Variants in UQCRFS1 observed in about 807,000 individuals in gnomAD.
UQCRFS1 encodes cytochrome b-c1 complex subunit Rieske, mitochondrial.
Under a neutral mutation model 15.6 loss-of-function variants are expected in UQCRFS1, and 6 were observed. That is an observed-to-expected ratio of 0.38 (90% CI 0.21 to 0.76). The LOEUF (loss-of-function observed/expected upper bound fraction) is 0.76, where lower values mean the gene tolerates loss of function less well. Ranked by LOEUF, UQCRFS1 falls within the 30% of genes least tolerant of loss-of-function variation. The pLI is 0.44. For missense variants in UQCRFS1, 203 were observed against 366.7 expected (o/e 0.55, Z 3.65); for synonymous variants, 105 against 154.3 (o/e 0.68, Z 2.37).
chr19:29,208,258 C>A (rs1376338233), intron 1 of UQCRFS1, 100 bp from the exon 2 acceptor site: 3 of 1,452,118 alleles, frequency 2.1e-6, no homozygotes, highest in Non-Finnish European at 2.7e-6. Context: ...GGTAAAAAAT[C>A]AAATTCTAAA....
Position 29,207,781 on chromosome 19 carries a change from G to A in UQCRFS1, c.592C>T (p.Pro198Ser). Residue 198 changes from proline (P) to serine (S), a missense_variant, in exon 2 of 2, where the codon CCA becomes TCA. By Grantham distance (74) the Pro-to-Ser change is moderately conservative. Around this residue, in one of 3 missense-constraint regions of UQCRFS1, gnomAD observed 91 missense variants for 186.9 expected, o/e 0.49. Transcript: ENST00000304863. ...TTTACTCGATCTAGATCATGCTGTG[G>A]GTCCCTCAACTGTGATAATTCAACT... ...AAVELSQLRD[P>S]QHDLDRVKKP... 6.2e-7 allele frequency: 1 copy of A among 1,613,964 alleles called. No individual in the cohort carries two copies. The highest frequency in any genetic ancestry group is 8.5e-7 in the Non-Finnish European group (1 of 1,179,880).
Position 29,206,291 on chromosome 19 carries a change from G to A in UQCRFS1, c.*1257C>T, listed in dbSNP as rs547047219. The A allele has an allele frequency of 6.6e-6, 1 of 152,304 alleles. No homozygotes were observed. Among genetic ancestry groups the A allele is most frequent in the South Asian group, 2.1e-4 (1 of 4,828 alleles). 9.4% of individuals were successfully genotyped at this position (152,304 alleles called of 1,614,324 possible). ...TAGTATCTACTCATAAGCATAGAAAGTTTGACATTTTCTTTTTTCTGTCAA... is the reference window on the plus strand; with the variant it reads ...TAGTATCTACTCATAAGCATAGAAAATTTGACATTTTCTTTTTTCTGTCAA... On this transcript the variant is annotated 3_prime_UTR_variant, in exon 2 of 2. Transcript: ENST00000304863.
At position 29,206,288 on chromosome 19, in the gene UQCRFS1, A is replaced by C. The variant is rs143142762; in HGVS notation, c.*1260T>G. 1.3e-5 allele frequency: 2 copies of C among 152,226 alleles called. No individual in the cohort carries two copies. The highest frequency in any genetic ancestry group is 3.8e-4 in the East Asian group (2 of 5,200). The allele number at this position is 152,226 out of a possible 1,614,324, so 9.4% of individuals were successfully genotyped here. On this transcript the variant is annotated 3_prime_UTR_variant, in exon 2 of 2. Transcript: ENST00000304863. Reference sequence around the variant, plus strand: ...GACTAGTATCTACTCATAAGCATAGAAAGTTTGACATTTTCTTTTTTCTGT... The same window carrying C: ...GACTAGTATCTACTCATAAGCATAGCAAGTTTGACATTTTCTTTTTTCTGT...
rs1976632396 is a variant in UQCRFS1 at position 29,210,365 on chromosome 19, T to TC, written c.215-2208_215-2207insG. Among the ~76,000 whole-genome samples, 3 of 151,192 alleles carry TC rather than the reference T, an allele frequency of 2.0e-5. No homozygotes were observed. In the South Asian group the frequency reaches 6.3e-4, roughly 32 times the overall value. On this transcript the variant is annotated intron_variant, in intron 1 of 1. Transcript: ENST00000304863. ...TCTCTAAGTCAGGTAAACCTCCAATTTTTTTTTTATTATACTTTAAGTTTT... is the reference window on the plus strand; with the variant it reads ...TCTCTAAGTCAGGTAAACCTCCAATTCTTTTTTTTATTATACTTTAAGTTTT...
chr19:29,211,448 T>C (rs1976647281), intron 1 of UQCRFS1, among the ~76,000 whole-genome samples: 1 of 152,236 alleles, frequency 6.6e-6, no homozygotes, highest in African/African-American at 2.4e-5. Context: ...ACACCTGCCA[T>C]GGACAGTTTC....
At chr19:29,210,822 A>G (rs980433405) in intron 1 of UQCRFS1, among the ~76,000 whole-genome samples, 5 of 152,152 alleles carry the variant, frequency 3.3e-5, no homozygotes, top group African/African-American at 9.7e-5. Context: ...ATAAACATAC[A>G]TGTAAATGTG....
rs1008616885 is a variant in UQCRFS1 at position 29,205,402 on chromosome 19, G to A, written c.*2146C>T. 1 of 152,188 alleles carries A rather than the reference G, an allele frequency of 6.6e-6. No homozygotes were observed. The highest frequency in any genetic ancestry group is 2.4e-5 in the African/African-American group (1 of 41,442). The allele number at this position is 152,188 out of a possible 1,614,324, so 9.4% of individuals were successfully genotyped here. On this transcript the variant is annotated 3_prime_UTR_variant, in exon 2 of 2. Coordinates refer to ENST00000304863, the MANE Select transcript of UQCRFS1 (RefSeq NM_006003.3). Reference sequence around the variant, plus strand: ...GTATGTTCCTACAGTTTAGAAAAATGAGGGTACTAAAGCACATTTTGATCC... The same window carrying A: ...GTATGTTCCTACAGTTTAGAAAAATAAGGGTACTAAAGCACATTTTGATCC...
At position 29,212,924 on chromosome 19, in the gene UQCRFS1, G is replaced by A. The variant is rs1248742206; in HGVS notation, c.195C>T (p.Val65=). The A allele has an allele frequency of 1.4e-6, 2 of 1,417,518 alleles. No homozygotes were observed. The highest frequency in any genetic ancestry group is 1.8e-6 in the Non-Finnish European group (2 of 1,098,144). 87.8% of individuals were successfully genotyped at this position (1,417,518 alleles called of 1,614,324 possible). Residue 65 remains valine (V), a synonymous_variant, in exon 1 of 2, where the codon GTC becomes GTT. Transcript: ENST00000304863. ...LSGQAVRRPL[V]ASVGLNVPAS... is the part of the protein sequence containing the mutation. ...GCTCACCATTGAGGCCCACGGAGGC[G>A]ACCAAAGGCCGGCGCACGGCCTGGC...
chr19:29,211,330 G>A (rs1976644340), intron 1 of UQCRFS1, among the ~76,000 whole-genome samples: 3 of 152,144 alleles, frequency 2.0e-5, no homozygotes, highest in African/African-American at 7.2e-5. Context: ...ATTTTTTGAA[G>A]AAACTTTAGC....
Position 29,208,249 on chromosome 19 carries a change from G to A in UQCRFS1, c.215-91C>T, listed in dbSNP as rs970405157. On this transcript the variant is annotated intron_variant, in intron 1 of 1. Transcript: ENST00000304863. The stretch of plus-strand genomic sequence containing the variant: ...GAAATAGCCCTTTATGGATTCACAG[G>A]TAAAAAATCAAATTCTAAAAATGTG... 1.0e-5 allele frequency: 15 copies of A among 1,469,626 alleles called. No individual in the cohort carries two copies. In the African/African-American group the frequency reaches 2.1e-4, roughly 21 times the overall value. 91.0% of individuals were successfully genotyped at this position (1,469,626 alleles called of 1,614,324 possible).
At chr19:29,209,640 C>A (rs1213573163) in intron 1 of UQCRFS1, among the ~76,000 whole-genome samples, 2 of 152,140 alleles carry the variant, frequency 1.3e-5, no homozygotes, top group African/African-American at 4.8e-5. Flanking sequence ...ACATCCTATA[C>A]TACTACTCTA....
Position 29,208,114 on chromosome 19 carries a change from C to CTACATCA in UQCRFS1, c.258_259insTGATGTA (p.Asp87Ter), listed in dbSNP as rs1291802163. ...TCAAGGCGGCGGTATTCAGAGAAGTCAGGCACCTTGATGTCTGTGTGGGAA... is the reference window on the plus strand; with the variant it reads ...TCAAGGCGGCGGTATTCAGAGAAGTCTACATCAAGGCACCTTGATGTCTGTGTGGGAA... On this transcript the variant is annotated stop_gained and frameshift_variant, in exon 2 of 2. Coordinates refer to ENST00000304863, the MANE Select transcript of UQCRFS1 (RefSeq NM_006003.3). LOFTEE classifies it high-confidence loss of function. The CTACATCA allele has an allele frequency of 6.2e-7, 1 of 1,613,808 alleles. No homozygotes were observed.
intron 1 of UQCRFS1, 102 bp from the exon 2 acceptor site, chr19:29,208,260 A>G: frequency 6.9e-7 from 1 of 1,442,576 alleles, no homozygotes; most frequent in Non-Finnish European, 9.1e-7. Context: ...TAAAAAATCA[A>G]ATTCTAAAAA....
chr19:29,212,489 T>C (rs1976666523), intron 1 of UQCRFS1, among the ~76,000 whole-genome samples: 1 of 152,088 alleles, frequency 6.6e-6, no homozygotes, highest in Non-Finnish European at 1.5e-5. Flanking sequence ...TTCTTAAGCA[T>C]GTAAGTGCCC....
chr19:29,211,739 T>C (rs1160939092), intron 1 of UQCRFS1, among the ~76,000 whole-genome samples: 1 of 152,154 alleles, frequency 6.6e-6, no homozygotes, highest in Non-Finnish European at 1.5e-5. Context: ...TGTAGCAACT[T>C]AGTGGAAGGA....
chr19:29,206,578 T>C lies in UQCRFS1; in HGVS notation c.*970A>G, dbSNP rs1006237684. 1.3e-5 allele frequency: 2 copies of C among 152,326 alleles called. No individual in the cohort carries two copies. The highest frequency in any genetic ancestry group is 3.4e-3 in the Middle Eastern group (1 of 294). 9.4% of individuals were successfully genotyped at this position (152,326 alleles called of 1,614,324 possible). On this transcript the variant is annotated 3_prime_UTR_variant, in exon 2 of 2. Coordinates refer to ENST00000304863, the MANE Select transcript of UQCRFS1 (RefSeq NM_006003.3). Reference sequence around the variant, plus strand: ...TTCACCTGTGTAATTGGAGGCAGAATAGGATGTGAATTCCGATGTGCTCTG... The same window carrying C: ...TTCACCTGTGTAATTGGAGGCAGAACAGGATGTGAATTCCGATGTGCTCTG...
chr19:29,208,179 T>C, intron 1 of UQCRFS1, 21 bp from the exon 2 acceptor site: 1 of 1,588,226 alleles, frequency 6.3e-7, no homozygotes, highest in Non-Finnish European at 8.5e-7. Flanking sequence ...AACAGAAGGT[T>C]AAAAAACACA....
Position 29,207,325 on chromosome 19 carries a change from C to A in UQCRFS1, c.*223G>T. ...ATTAGCTAAAAGACATTGTACCTTT[C>A]GCGTGTATGACTGAGCATAACAGTG... On this transcript the variant is annotated 3_prime_UTR_variant, in exon 2 of 2. Coordinates refer to ENST00000304863, the MANE Select transcript of UQCRFS1 (RefSeq NM_006003.3). The A allele has an allele frequency of 1.9e-6, 1 of 517,248 alleles. No individual in the cohort carries two copies. The highest frequency in any genetic ancestry group is 3.5e-5 in the South Asian group (1 of 28,322). 32.0% of individuals were successfully genotyped at this position (517,248 alleles called of 1,614,324 possible).
chr19:29,209,805 C>T (rs774674743), intron 1 of UQCRFS1, among the ~76,000 whole-genome samples: 13 of 151,968 alleles, frequency 8.6e-5, no homozygotes, highest in Non-Finnish European at 1.8e-4. Context: ...AAACAGTATC[C>T]ACAACCCTTA....
Sources: allele counts gnomAD v4.1 joint callset (sites outside exome capture counted in the v4.1 genomes callset), GRCh38; gene constraint gnomAD v4.1.1; regional missense constraint gnomAD v4.1.1; transcripts MANE v1.5; gene names NCBI Gene and HGNC (gene_info 2026-07-23, HGNC 2026-07-21).